Variants in TMEM254 observed in about 807,000 individuals in gnomAD.
The protein encoded by TMEM254 is transmembrane protein C10orf57.
Under a neutral mutation model 13.9 loss-of-function variants are expected in TMEM254, and 16 were observed. The observed-to-expected ratio is 1.15, with a 90% CI of 0.78 to 1.75. The LOEUF (loss-of-function observed/expected upper bound fraction) is 1.75. Ranked by LOEUF, TMEM254 falls within the 40% of genes most tolerant of loss-of-function variation. TMEM254 has a pLI of 0.00. For missense variants in TMEM254, 155 were observed against 149.0 expected (o/e 1.04, Z -0.21); for synonymous variants, 61 against 56.4 (o/e 1.08, Z -0.36).
chr10:80,081,126 C>T (rs770177503), intron 1 of TMEM254, among the ~76,000 whole-genome samples: 3 of 152,106 alleles, frequency 2.0e-5, no homozygotes, highest in East Asian at 1.9e-4. Context: ...GTAGCCATGC[C>T]TGTATTCCAG....
At chr10:80,081,745 ATTT>A (rs767274058) in intron 1 of TMEM254, 93 bp from the exon 2 acceptor site, 1 of 1,609,474 alleles carries the variant, frequency 6.2e-7, no homozygotes, top group Non-Finnish European at 8.5e-7. Flanking sequence ...GTCTGTGGTA[ATTT>A]TTTTACTGTT....
At chr10:80,081,733 C>A in intron 1 of TMEM254, 108 bp from the exon 2 acceptor site, 1 of 1,608,236 alleles carries the variant, frequency 6.2e-7, no homozygotes, top group Non-Finnish European at 8.5e-7. Context: ...AGAGTTTCTT[C>A]GGTCTGTGGT....
intron 3 of TMEM254, 142 bp downstream of exon 3, chr10:80,082,346 C>A (rs536645330): frequency 5.6e-6 from 5 of 898,198 alleles, no homozygotes; most frequent in African/African-American, 5.0e-5. Flanking sequence ...GATACTGAGC[C>A]TGGAGCAGAG....
chr10:80,081,399 G>T (rs1265212117), intron 1 of TMEM254, among the ~76,000 whole-genome samples: 1 of 152,146 alleles, frequency 6.6e-6, no homozygotes, highest in East Asian at 1.9e-4. Flanking sequence ...TGGCACAGTA[G>T]GTCATGCCTG....
intron 1 of TMEM254, among the ~76,000 whole-genome samples, chr10:80,081,166 G>T (rs1372545575): frequency 1.3e-5 from 2 of 152,144 alleles, no homozygotes; most frequent in African/African-American, 4.8e-5. Flanking sequence ...TGGGAGGATC[G>T]CTTGAGCCCG....
intron 1 of TMEM254, chr10:80,078,989 AG>A: frequency 6.5e-7 from 1 of 1,539,040 alleles, no homozygotes; most frequent in Non-Finnish European, 8.8e-7. Flanking sequence ...GCGGGCGCCC[AG>A]GGCCCTGAGA....
At chr10:80,083,168 G>A (rs536656162) in intron 3 of TMEM254, among the ~76,000 whole-genome samples, 15 of 148,134 alleles carry the variant, frequency 1.0e-4, no homozygotes, top group African/African-American at 2.7e-4. Context: ...GTGCAGTGGC[G>A]CAATCTTGGC....
intron 1 of TMEM254, 81 bp downstream of exon 1, chr10:80,078,867 C>A: frequency 6.5e-7 from 1 of 1,535,262 alleles, no homozygotes. Flanking sequence ...TCACAGGCCG[C>A]GGGCCGGGGG....
Position 80,079,148 on chromosome 10 carries a change from C to T in TMEM254, c.87+362C>T, listed in dbSNP as rs531635004. On this transcript the variant is annotated intron_variant, in intron 1 of 3. Transcript: ENST00000372281. ...ATTTCCGTCCAGCAAGACCCTTGCC[C>T]TCTCTGGTCACAGTCCTGGGGCTGG... is the stretch of plus-strand genomic sequence containing the variant. The T allele has an allele frequency of 1.2e-5, 16 of 1,316,342 alleles. No individual in the cohort carries two copies. The East Asian group carries it at 6.8e-4, about 56-fold the overall frequency. 81.5% of individuals were successfully genotyped at this position (1,316,342 alleles called of 1,614,324 possible). A position where few individuals can be genotyped will look rare whatever the true frequency, so the allele number is the denominator to read the frequency against.
Position 80,086,300 on chromosome 10 carries a change from C to T in TMEM254, c.251+4096C>T, listed in dbSNP as rs1844310387. 5 of 1,423,918 alleles carry T rather than the reference C, an allele frequency of 3.5e-6. No individual in the cohort carries two copies. The South Asian group carries it at 7.7e-5, about 22-fold the overall frequency. 88.2% of individuals were successfully genotyped at this position (1,423,918 alleles called of 1,614,324 possible). ...AAGTTATGATGACCCCAGGAAAACC[C>T]TTCTCCGGGTTACCTAGCCACCAAC... On this transcript the variant is annotated intron_variant, in intron 3 of 3. Coordinates refer to ENST00000372281, the MANE Select transcript of TMEM254 (RefSeq NM_025125.4).
chr10:80,090,747 A>G (rs760763417), intron 3 of TMEM254, 50 bp from the exon 4 acceptor site: 1 of 1,575,536 alleles, frequency 6.3e-7, no homozygotes, highest in Admixed American at 1.9e-5. Flanking sequence ...AACTCCCATG[A>G]AACTGTAAGA....
At chr10:80,078,899 G>C (rs889153441) in intron 1 of TMEM254, 113 bp downstream of exon 1, 1 of 1,523,714 alleles carries the variant, frequency 6.6e-7, no homozygotes, top group Admixed American at 2.0e-5. Context: ...GCACAATCCC[G>C]ACTCCCGCGC....
intron 3 of TMEM254, among the ~76,000 whole-genome samples, chr10:80,089,741 C>G (rs193007866): frequency 7.9e-5 from 12 of 151,964 alleles, no homozygotes; most frequent in Admixed American, 3.3e-4. Flanking sequence ...TGGTGGCTCA[C>G]GCCTGTAATA....
chr10:80,079,416 C>T (rs1378984432), intron 1 of TMEM254: 4 of 1,073,718 alleles, frequency 3.7e-6, no homozygotes, highest in Non-Finnish European at 4.5e-6. Context: ...GCCTAAGCCT[C>T]TCACGAAGCG....
At chr10:80,086,345 G>T (rs1296627121) in intron 3 of TMEM254, 1 of 1,000,616 alleles carries the variant, frequency 1.0e-6, no homozygotes, top group East Asian at 3.2e-5. Flanking sequence ...TCTGAAGGAG[G>T]AGGAAACAAG....
At chr10:80,087,617 C>T (rs1175786267) in intron 3 of TMEM254, among the ~76,000 whole-genome samples, 2 of 152,194 alleles carry the variant, frequency 1.3e-5, no homozygotes, top group Non-Finnish European at 2.9e-5. Flanking sequence ...CACACCACTG[C>T]ACTCTAGCCT....
At chr10:80,083,956 G>C (rs576164844) in intron 3 of TMEM254, among the ~76,000 whole-genome samples, 7 of 152,072 alleles carry the variant, frequency 4.6e-5, no homozygotes, top group Non-Finnish European at 8.8e-5. Context: ...ATGGTGGTGC[G>C]TGCCTGCAGT....
intron 1 of TMEM254, among the ~76,000 whole-genome samples, chr10:80,080,773 TACAC>T (rs35188589): frequency 6.7e-6 from 1 of 150,126 alleles, no homozygotes; most frequent in Non-Finnish European, 1.5e-5. Flanking sequence ...ACCTCATCTC[TACAC>T]ACACACACAC....
Position 80,089,974 on chromosome 10 carries a change from C to T in TMEM254, c.252-823C>T, listed in dbSNP as rs541348420. 2.0e-5 allele frequency among the ~76,000 whole-genome samples: 3 copies of T among 147,464 alleles called. No individual in the cohort carries two copies. In the East Asian group the frequency reaches 5.9e-4, roughly 29 times the overall value. ...GAGTCAAGATCGCGCCACTGCACTC[C>T]AGCCTGGGTGACAGAGCGAGACTCC... On this transcript the variant is annotated intron_variant, in intron 3 of 3. Coordinates refer to ENST00000372281, the MANE Select transcript of TMEM254 (RefSeq NM_025125.4).
Sources: gnomAD v4.1 joint callset for allele counts (sites outside exome capture counted in the v4.1 genomes callset) on GRCh38, gnomAD v4.1.1 for gene constraint, MANE v1.5 for transcripts, NCBI Gene and HGNC (gene_info 2026-07-23, HGNC 2026-07-21) for gene names.